Variants in NUMB observed in about 807,000 individuals in gnomAD.
NUMB encodes the protein NUMB endocytic adaptor protein.
In NUMB, 29 loss-of-function variants were observed where a neutral mutation model predicts 59.7. The ratio of observed to expected loss-of-function variants is 0.49; its 90% CI spans 0.36 to 0.66. The LOEUF (loss-of-function observed/expected upper bound fraction) is 0.66. NUMB is among the 30% of genes least tolerant of loss of function. NUMB has a pLI of 0.00. For synonymous variants in NUMB, 288 were observed against 288.2 expected (o/e 1.00, Z 0.01); for missense variants, 723 against 822.0 (o/e 0.88, Z 1.47).
intron 1 of NUMB, among the ~76,000 whole-genome samples, chr14:73,440,189 A>AGATATCCATATATATATATG (rs11271921): frequency 0.013 from 1,912 of 144,886 alleles, 32 homozygotes; most frequent in Middle Eastern, 0.036. Flanking sequence ...TGGGACAACT[A>AGATATCCATATATATATATG]GATATCCATA....
intron 4 of NUMB, among the ~76,000 whole-genome samples, chr14:73,344,841 A>G (rs17492268): frequency 6.6e-6 from 1 of 152,132 alleles, no homozygotes; most frequent in African/African-American, 2.4e-5. Context: ...TTTTAATTAC[A>G]AGTTAAATGA....
chr14:73,354,510 C>CA (rs780721035), intron 4 of NUMB, among the ~76,000 whole-genome samples: 792 of 77,908 alleles, frequency 0.01, 6 homozygotes, highest in Middle Eastern at 0.039. Context: ...GACTCCATCT[C>CA]AAAAAAAAAA....
intron 6 of NUMB, among the ~76,000 whole-genome samples, chr14:73,308,084 CAGG>C (rs1890563647): frequency 6.6e-6 from 1 of 152,012 alleles, no homozygotes; most frequent in Admixed American, 6.6e-5. Flanking sequence ...GAGGGGATGG[CAGG>C]AGGACAATAA....
chr14:73,391,235 C>T (rs535528168), intron 2 of NUMB, among the ~76,000 whole-genome samples: 126 of 150,532 alleles, frequency 8.4e-4, no homozygotes, highest in African/African-American at 3.1e-3. Flanking sequence ...TTTGGTCTCA[C>T]TGGTGTATAA....
chr14:73,349,608 G>A (rs546927445), intron 4 of NUMB, among the ~76,000 whole-genome samples: 33 of 148,774 alleles, frequency 2.2e-4, no homozygotes, highest in African/African-American at 6.9e-4. Flanking sequence ...GGCCAGGCGC[G>A]GTGGCTCACA....
chr14:73,349,346 G>A (rs1893076187), intron 4 of NUMB, among the ~76,000 whole-genome samples: 1 of 152,146 alleles, frequency 6.6e-6, no homozygotes, highest in African/African-American at 2.4e-5. Context: ...CTAGCACTTT[G>A]GGAGGCCAAG....
At chr14:73,307,867 G>A (rs933319951) in intron 6 of NUMB, among the ~76,000 whole-genome samples, 7 of 147,352 alleles carry the variant, frequency 4.8e-5, no homozygotes, top group Admixed American at 4.7e-4. Flanking sequence ...CGAGTAGCTG[G>A]GACTATAGGC....
At chr14:73,448,934 T>A (rs1883734227) in intron 1 of NUMB, among the ~76,000 whole-genome samples, 1 of 151,992 alleles carries the variant, frequency 6.6e-6, no homozygotes. Flanking sequence ...GTACAGTCGG[T>A]CCTCTGTATC....
At chr14:73,378,030 CACACACAT>C (rs1895054723) in intron 2 of NUMB, among the ~76,000 whole-genome samples, 1 of 151,568 alleles carries the variant, frequency 6.6e-6, no homozygotes, top group African/African-American at 2.4e-5. Flanking sequence ...TACACACACA[CACACACAT>C]ACCAAAAAAC....
intron 1 of NUMB, among the ~76,000 whole-genome samples, chr14:73,456,104 A>G (rs8021751): frequency 0.061 from 9,233 of 150,360 alleles, 720 homozygotes; most frequent in African/African-American, 0.17. Context: ...AATACTCCCA[A>G]AAAAACCTTT....
chr14:73,295,355 T>TA (rs1353803979), intron 7 of NUMB, among the ~76,000 whole-genome samples: 1 of 152,192 alleles, frequency 6.6e-6, no homozygotes. Context: ...TGGAAAAAAC[T>TA]AAACTAATGA....
chr14:73,369,120 C>T (rs186834078), intron 2 of NUMB, among the ~76,000 whole-genome samples: 28 of 151,508 alleles, frequency 1.8e-4, no homozygotes, highest in African/African-American at 6.3e-4. Flanking sequence ...CAGCTCACTG[C>T]AACCTTTGCC....
chr14:73,299,886 G>A (rs952125486), intron 6 of NUMB, among the ~76,000 whole-genome samples: 1 of 152,084 alleles, frequency 6.6e-6, no homozygotes, highest in Non-Finnish European at 1.5e-5. Context: ...AGACAAATAT[G>A]AGACTGAATT....
chr14:73,369,104 C>T (rs764033959), intron 2 of NUMB, among the ~76,000 whole-genome samples: 4 of 151,048 alleles, frequency 2.6e-5, no homozygotes, highest in African/African-American at 4.9e-5. Context: ...TGCAATGGCA[C>T]GATCTCAGCT....
intron 6 of NUMB, among the ~76,000 whole-genome samples, chr14:73,303,160 G>A (rs1890244148): frequency 6.6e-6 from 1 of 152,178 alleles, no homozygotes; most frequent in Non-Finnish European, 1.5e-5. Flanking sequence ...GGAGGTTGCA[G>A]TGAGCTGAGA....
chr14:73,451,175 CAAAA>C (rs1209954055), intron 1 of NUMB, among the ~76,000 whole-genome samples: 1 of 104,142 alleles, frequency 9.6e-6, no homozygotes. Flanking sequence ...AAAAAAAAAA[CAAAA>C]AACAAATCTA....
intron 2 of NUMB, among the ~76,000 whole-genome samples, chr14:73,367,447 A>C (rs921626873): frequency 1.3e-5 from 2 of 151,284 alleles, no homozygotes; most frequent in South Asian, 2.1e-4. Flanking sequence ...TAGTAAGACC[A>C]GTAATTAGCA....
chr14:73,283,114 G>A (rs148683321), intron 10 of NUMB, among the ~76,000 whole-genome samples: 70 of 152,296 alleles, frequency 4.6e-4, no homozygotes, highest in Admixed American at 7.8e-4. Flanking sequence ...CTGACTCTAG[G>A]ATACTTCTGT....
rs1888089952 is a variant in NUMB, at chr14:73,275,449, C to CA, written c.*1128dup. On this transcript the variant is annotated 3_prime_UTR_variant, in exon 13 of 13. Coordinates refer to ENST00000555238, the MANE Select transcript of NUMB (RefSeq NM_001005743.2). Reference sequence around the variant, plus strand: ...AATAAAACCAGAATCCCCATCCCCACAAAACTCATGGGAACAAAATTTAAA... The same window carrying CA: ...AATAAAACCAGAATCCCCATCCCCACAAAAACTCATGGGAACAAAATTTAAA... 1 of 152,278 alleles carries CA rather than the reference C, an allele frequency of 6.6e-6. No homozygotes were observed. Among genetic ancestry groups the CA allele is most frequent in the African/African-American group, 2.4e-5 (1 of 41,332 alleles). The allele number at this position is 152,278 out of a possible 1,614,324, so 9.4% of individuals were successfully genotyped here.
Sources: allele counts gnomAD v4.1 joint callset (sites outside exome capture counted in the v4.1 genomes callset), GRCh38; gene constraint gnomAD v4.1.1; transcripts MANE v1.5; gene names NCBI Gene and HGNC (gene_info 2026-07-23, HGNC 2026-07-21).